BTG3: variants seen among roughly 807,000 people sequenced by gnomAD.
BTG3 encodes BTG anti-proliferation factor 3, also known as protein BTG3.
A neutral mutation model predicts 25.8 loss-of-function variants in BTG3; 4 were observed. That is an observed-to-expected ratio of 0.16 (90% CI 0.08 to 0.36). The LOEUF (loss-of-function observed/expected upper bound fraction) is 0.36. BTG3 is among the 10% of genes least tolerant of loss of function. The probability of loss-of-function intolerance (pLI) is 1.00; values close to 1 mark genes in which losing one functional copy is unlikely to be tolerated. For missense variants in BTG3, 201 were observed against 304.9 expected (o/e 0.66, Z 2.54); for synonymous variants, 107 against 99.9 (o/e 1.07, Z -0.42).
intron 1 of BTG3, among the ~76,000 whole-genome samples, chr21:17,610,955 A>T (rs1290086596): frequency 6.6e-6 from 1 of 152,156 alleles, no homozygotes; most frequent in Non-Finnish European, 1.5e-5. Context: ...GTGTGCTGGC[A>T]GCCGCAGATA....
chr21:17,606,950 A>G (rs2123471404), intron 2 of BTG3, among the ~76,000 whole-genome samples: 1 of 152,288 alleles, frequency 6.6e-6, no homozygotes, highest in Non-Finnish European at 1.5e-5. Flanking sequence ...ATTGCTCTCT[A>G]CAAGTATCTT....
chr21:17,612,791 C>T lies in BTG3; in HGVS notation c.-101G>A, dbSNP rs1004110053. The T allele has an allele frequency of 2.0e-5, 3 of 152,368 alleles. 1 individual carries two copies. The South Asian group carries it at 6.2e-4, about 32-fold the overall frequency. 9.4% of individuals were successfully genotyped at this position (152,368 alleles called of 1,614,324 possible). On this transcript the variant is annotated 5_prime_UTR_variant, in exon 1 of 5. Transcript: ENST00000348354. ...AGGGCTCCGCCTCAACGGGCCCGCG[C>T]TGGGCAACAGGGAGCGCAGCGAGCC...
chr21:17,604,764 G>A lies in BTG3; in HGVS notation c.311+96C>T, dbSNP rs957531190. ...TGAGAGAGTTAAACCACCAGCTCCTGGCCATAAAGATACACAGGCAGGCCG... is the reference window on the plus strand; with the variant it reads ...TGAGAGAGTTAAACCACCAGCTCCTAGCCATAAAGATACACAGGCAGGCCG... On this transcript the variant is annotated intron_variant, in intron 3 of 4. Coordinates refer to ENST00000348354, the MANE Select transcript of BTG3 (RefSeq NM_006806.5). The A allele has an allele frequency of 1.3e-4, 184 of 1,397,416 alleles. 1 individual carries two copies. Among genetic ancestry groups the A allele is most frequent in the Non-Finnish European group, 7.2e-5 (76 of 1,050,116 alleles). 86.6% of individuals were successfully genotyped at this position (1,397,416 alleles called of 1,614,324 possible).
intron 1 of BTG3, 166 bp downstream of exon 1, chr21:17,612,533 G>T (rs2061747316): frequency 6.6e-6 from 1 of 152,026 alleles, no homozygotes; most frequent in Non-Finnish European, 1.5e-5. Flanking sequence ...CCGCTCTGGC[G>T]CCGAGCCGGA....
chr21:17,598,605 T>A lies in BTG3; in HGVS notation c.519+12A>T. ...GCACATCCCTTTAAAACTGAGCTGT[T>A]TTCATGGTTACCTGGTACACAGGAC... On this transcript the variant is annotated intron_variant, in intron 4 of 4. Transcript: ENST00000348354. The A allele has an allele frequency of 6.2e-7, 1 of 1,612,076 alleles. No individual in the cohort carries two copies. Among genetic ancestry groups the A allele is most frequent in the Non-Finnish European group, 8.5e-7 (1 of 1,178,396 alleles).
Position 17,597,500 on chromosome 21 carries a change from GA to G in BTG3, c.519+1116del, listed in dbSNP as rs555166009. On this transcript the variant is annotated intron_variant, in intron 4 of 4. Transcript: ENST00000348354. ...GTCTCTGGAAGGATACTAAAAAAAA[GA>G]AAAAAAAACCTGGTAATGAATGTCT... Among the ~76,000 whole-genome samples, 4 of 149,654 alleles carry G rather than the reference GA, an allele frequency of 2.7e-5. No individual in the cohort carries two copies. In the East Asian group the frequency reaches 7.8e-4, roughly 29 times the overall value.
At chr21:17,594,534 T>C (rs1171447620) in intron 4 of BTG3, among the ~76,000 whole-genome samples, 1 of 152,040 alleles carries the variant, frequency 6.6e-6, no homozygotes, top group African/African-American at 2.4e-5. Flanking sequence ...GTTTTCTGAA[T>C]GCATAAAGAA....
At chr21:17,608,381 A>AC (rs1487924596) in intron 2 of BTG3, among the ~76,000 whole-genome samples, 4 of 151,810 alleles carry the variant, frequency 2.6e-5, no homozygotes, top group Admixed American at 2.6e-4. Flanking sequence ...CACAAAAAAA[A>AC]AAAACTCCCA....
At chr21:17,606,545 A>G (rs1419137488) in intron 2 of BTG3, among the ~76,000 whole-genome samples, 3 of 152,148 alleles carry the variant, frequency 2.0e-5, no homozygotes, top group Non-Finnish European at 2.9e-5. Flanking sequence ...ATAAAAAGAT[A>G]TATCTTAGAT....
intron 2 of BTG3, among the ~76,000 whole-genome samples, chr21:17,607,528 T>C (rs1237053367): frequency 6.6e-6 from 1 of 152,256 alleles, no homozygotes; most frequent in Admixed American, 6.5e-5. Flanking sequence ...AATAAACTAT[T>C]TTGATTCTCT....
intron 2 of BTG3, among the ~76,000 whole-genome samples, chr21:17,607,643 A>G (rs1199817374): frequency 6.6e-6 from 1 of 152,244 alleles, no homozygotes; most frequent in Non-Finnish European, 1.5e-5. Context: ...TGTACTTGCA[A>G]GAGCCCAGTG....
chr21:17,594,276 C>T lies in BTG3; in HGVS notation c.576G>A (p.Lys192=). 1 of 1,613,078 alleles carries T rather than the reference C, an allele frequency of 6.2e-7. No individual in the cohort carries two copies. The highest frequency in any genetic ancestry group is 1.7e-5 in the Admixed American group (1 of 59,918). ...GGCCATTCCCTCGATACATTCCTGGCTTTTTTCTGGGCAAAGGGTGCCACA... is the reference window on the plus strand; with the variant it reads ...GGCCATTCCCTCGATACATTCCTGGTTTTTTTCTGGGCAAAGGGTGCCACA... ...LPMWHPLPRK[K]PGMYRGNGHQ... Residue 192 remains lysine, a synonymous_variant, in exon 5 of 5, where the codon AAG becomes AAA. Transcript: ENST00000348354.
chr21:17,600,970 T>C (rs928071964), intron 3 of BTG3, among the ~76,000 whole-genome samples: 1 of 152,170 alleles, frequency 6.6e-6, no homozygotes, highest in African/African-American at 2.4e-5. Flanking sequence ...GAGGCCAGCC[T>C]GGCCAACATG....
At chr21:17,604,202 G>A (rs1188099357) in intron 3 of BTG3, 24 of 1,071,828 alleles carry the variant, frequency 2.2e-5, no homozygotes, top group Non-Finnish European at 3.0e-5. Flanking sequence ...CAGCGCTTTG[G>A]GAGGCCAAGG....
chr21:17,594,699 A>C (rs895270994), intron 4 of BTG3, among the ~76,000 whole-genome samples: 2 of 152,018 alleles, frequency 1.3e-5, no homozygotes, highest in Non-Finnish European at 2.9e-5. Context: ...TTAAATACAA[A>C]ACATTGGAGC....
intron 2 of BTG3, among the ~76,000 whole-genome samples, chr21:17,606,218 A>G (rs1463326763): frequency 2.0e-5 from 3 of 152,114 alleles, no homozygotes; most frequent in African/African-American, 7.2e-5. Context: ...TTTCCTCAGC[A>G]TAAAGAAAAA....
intron 3 of BTG3, among the ~76,000 whole-genome samples, chr21:17,600,675 GAACA>G (rs971797348): frequency 6.6e-6 from 1 of 151,166 alleles, no homozygotes; most frequent in African/African-American, 2.4e-5. Flanking sequence ...AAAAAAACAA[GAACA>G]AAAAATTAAA....
At chr21:17,602,229 G>A (rs1474479136) in intron 3 of BTG3, among the ~76,000 whole-genome samples, 2 of 151,560 alleles carry the variant, frequency 1.3e-5, no homozygotes, top group Non-Finnish European at 2.9e-5. Flanking sequence ...TCTCATCATA[G>A]GCAAGATTTA....
At chr21:17,612,199 G>C (rs971827977) in intron 1 of BTG3, 1 of 152,272 alleles carries the variant, frequency 6.6e-6, no homozygotes, top group Non-Finnish European at 1.5e-5. Flanking sequence ...GGGCCCTGGC[G>C]CCCAATGCCC....
Sources: allele counts gnomAD v4.1 joint callset (sites outside exome capture counted in the v4.1 genomes callset), GRCh38; gene constraint gnomAD v4.1.1; transcripts MANE v1.5; gene names NCBI Gene and HGNC (gene_info 2026-07-23, HGNC 2026-07-21).